Variants in MARK4 observed in about 807,000 individuals in gnomAD.
The protein encoded by MARK4 is microtubule affinity regulating kinase 4, also known as MAP/microtubule affinity-regulating kinase 4.
In MARK4, 19 loss-of-function variants were observed where a neutral mutation model predicts 81.5. The observed-to-expected ratio is 0.23, with a 90% CI of 0.16 to 0.34. MARK4 has a LOEUF of 0.34. Ranked by LOEUF, MARK4 falls within the 10% of genes least tolerant of loss-of-function variation. The pLI, the probability that MARK4 is intolerant of heterozygous loss-of-function variation, is 1.00. For synonymous variants in MARK4, 436 were observed against 439.0 expected, an observed-to-expected ratio of 0.99 and a Z score of 0.08; for missense variants, 772 against 1,058.8, an observed-to-expected ratio of 0.73 and a Z score of 3.76.
intron 15 of MARK4, 45 bp downstream of exon 15, chr19:45,297,999 G>C: frequency 1.3e-6 from 2 of 1,548,136 alleles, no homozygotes; most frequent in South Asian, 1.2e-5. Context: ...GCGGGGGGCC[G>C]ATGGGACCTA....
chr19:45,273,651 C>T (rs1036482854), intron 8 of MARK4, among the ~76,000 whole-genome samples: 1 of 152,196 alleles, frequency 6.6e-6, no homozygotes, highest in Non-Finnish European at 1.5e-5. Flanking sequence ...TAGTTCAGGC[C>T]AGTTAATTTT....
intron 13 of MARK4, 72 bp from the exon 14 acceptor site, chr19:45,294,277 A>G (rs1348309605): frequency 7.9e-5 from 113 of 1,424,394 alleles, no homozygotes; most frequent in Non-Finnish European, 1.1e-4. Flanking sequence ...GGGAGGGCAG[A>G]GAAGGGAAGA....
intron 9 of MARK4, among the ~76,000 whole-genome samples, 154 bp from the exon 10 acceptor site, chr19:45,278,362 C>T (rs1049638635): frequency 6.6e-6 from 1 of 151,908 alleles, no homozygotes; most frequent in Non-Finnish European, 1.5e-5. Flanking sequence ...CGGCAGGGGA[C>T]GTGGGGGAGA....
In MARK4 at chr19:45,280,570, C is replaced by T. The variant is rs375220894; in HGVS notation, c.1117-5C>T. On this transcript the variant is annotated splice_polypyrimidine_tract_variant and splice_region_variant and intron_variant, in intron 11 of 16. Transcript: ENST00000262891. ...AGAAGAGCCTCATCTGTCATCCTCT[C>T]GCAGGAGGGTGGGGACCGGGGCGCC... 22 of 1,613,616 alleles carry T rather than the reference C, an allele frequency of 1.4e-5. No homozygotes were observed. The highest frequency in any genetic ancestry group is 4.5e-5 in the East Asian group (2 of 44,864).
chr19:45,293,008 C>T (rs1466073740), intron 13 of MARK4, among the ~76,000 whole-genome samples: 2 of 152,178 alleles, frequency 1.3e-5, no homozygotes, highest in Non-Finnish European at 2.9e-5. Context: ...TGGCTCATGC[C>T]TGTAATCCCA....
Position 45,302,449 on chromosome 19 carries a change from C to T in MARK4, c.1998C>T (p.Ser666=), listed in dbSNP as rs778432374. The T allele has an allele frequency of 3.1e-6, 5 of 1,613,686 alleles. No homozygotes were observed. Among genetic ancestry groups the T allele is most frequent in the Non-Finnish European group, 4.2e-6 (5 of 1,179,942 alleles). The part of the protein sequence containing the change: ...LRFPWSVKLT[S]SRPPEALMAA... ...TCCCCTGGAGTGTGAAGCTGACCAG[C>T]TCGCGCCCTCCTGAGGCCCTGATGG... The change falls in exon 17 of 17, where the codon AGC becomes AGT. Residue 666 remains serine (S), a synonymous_variant. Transcript: ENST00000262891. The surrounding 1 kb of genome is among the most constrained non-coding windows in gnomAD (Gnocchi z 4.9).
At chr19:45,287,726 CT>C in intron 13 of MARK4, 62 bp downstream of exon 13, 1 of 1,530,980 alleles carries the variant, frequency 6.5e-7, no homozygotes, top group East Asian at 2.4e-5. Context: ...TCCTCAGGCC[CT>C]GCCTTCATCT....
intron 7 of MARK4, among the ~76,000 whole-genome samples, chr19:45,270,069 C>A (rs780146752): frequency 3.3e-5 from 5 of 152,176 alleles, no homozygotes; most frequent in Non-Finnish European, 7.3e-5. Context: ...CTCAGGAGAT[C>A]TGCCTGCCTT....
At chr19:45,284,019 C>CT (rs750215454) in intron 12 of MARK4, among the ~76,000 whole-genome samples, 18 of 151,642 alleles carry the variant, frequency 1.2e-4, no homozygotes, top group Admixed American at 3.3e-4. Flanking sequence ...TAGATTTCTT[C>CT]TTTTTTTTCT....
At chr19:45,280,320 A>G in intron 10 of MARK4, 54 bp from the exon 11 acceptor site, 1 of 1,482,696 alleles carries the variant, frequency 6.7e-7, no homozygotes, top group South Asian at 1.1e-5. Context: ...AGAGAAATGG[A>G]TGGAAGTTAA....
rs769171844 is a variant in MARK4, at chr19:45,259,030, G to A, written c.93G>A (p.Pro31=). 4.4e-5 allele frequency: 71 copies of A among 1,613,506 alleles called. No individual in the cohort carries two copies. The highest frequency in any genetic ancestry group is 1.7e-4 in the Middle Eastern group (1 of 5,888). Reference sequence around the variant, plus strand: ...GTGGCCGCTCCTCGGACAAAGGCCCGTCCTGGTCCAGCCGCTCACTGGGTG... The same window carrying A: ...GTGGCCGCTCCTCGGACAAAGGCCCATCCTGGTCCAGCCGCTCACTGGGTG... The part of the protein sequence containing the change: ...LGSGRSSDKG[P]SWSSRSLGAR... Residue 31 remains proline, a synonymous_variant, in exon 2 of 17, where the codon CCG becomes CCA. Coordinates refer to ENST00000262891, the MANE Select transcript of MARK4 (RefSeq NM_001199867.2).
chr19:45,277,815 G>A lies in MARK4; in HGVS notation c.787-108G>A, dbSNP rs911811595. On this transcript the variant is annotated intron_variant, in intron 8 of 16. Transcript: ENST00000262891. ...CTGTCACTTCTATCAAAGGGGTTGG[G>A]ACAAAGGTTGTGTGTGTGTGTGTGT... 2.8e-4 allele frequency: 372 copies of A among 1,333,208 alleles called. 1 individual carries two copies. The highest frequency in any genetic ancestry group is 3.6e-4 in the Non-Finnish European group (356 of 997,064). 82.6% of individuals were successfully genotyped at this position (1,333,208 alleles called of 1,614,324 possible). A position where few individuals can be genotyped will look rare whatever the true frequency, so the allele number is the denominator to read the frequency against.
At chr19:45,274,337 A>G (rs1233675578) in intron 8 of MARK4, among the ~76,000 whole-genome samples, 1 of 151,898 alleles carries the variant, frequency 6.6e-6, no homozygotes, top group Non-Finnish European at 1.5e-5. Context: ...TGCTCATTCA[A>G]GACAGCCTTC....
At chr19:45,277,743 A>G (rs1970617190) in intron 8 of MARK4, among the ~76,000 whole-genome samples, 180 bp from the exon 9 acceptor site, 1 of 151,722 alleles carries the variant, frequency 6.6e-6, no homozygotes, top group Non-Finnish European at 1.5e-5. Context: ...GTCAGGAGAA[A>G]GGAATGGGGT....
At position 45,263,142 on chromosome 19, in the gene MARK4, G is replaced by A; in HGVS notation, c.282G>A (p.Gln94=). ...CCATCAAGATTATCGACAAAACCCA[G>A]CTGAATCCCAGCAGCCTGCAGAAGG... ...EVAIKIIDKT[Q]LNPSSLQKLF... The change falls in exon 3 of 17, where the codon CAG becomes CAA. Residue 94 remains glutamine, a synonymous_variant. Coordinates refer to ENST00000262891, the MANE Select transcript of MARK4 (RefSeq NM_001199867.2). 1 of 1,608,772 alleles carries A rather than the reference G, an allele frequency of 6.2e-7. No individual in the cohort carries two copies. Among genetic ancestry groups the A allele is most frequent in the Non-Finnish European group, 8.5e-7 (1 of 1,177,410 alleles).
chr19:45,299,444 A>G (rs1310874335), intron 15 of MARK4, among the ~76,000 whole-genome samples: 1 of 152,134 alleles, frequency 6.6e-6, no homozygotes, highest in East Asian at 1.9e-4. Context: ...GGCCTCACGA[A>G]GGAGGTGTTG....
Position 45,251,394 on chromosome 19 carries a change from G to C in MARK4, c.-195G>C, listed in dbSNP as rs1442739639. The C allele has an allele frequency of 3.5e-5, 5 of 141,132 alleles. No homozygotes were observed. Among genetic ancestry groups the C allele is most frequent in the Admixed American group, 2.6e-4 (3 of 11,718 alleles). The allele number at this position is 141,132 out of a possible 1,614,324, so 8.7% of individuals were successfully genotyped here. On this transcript the variant is annotated 5_prime_UTR_variant, in exon 1 of 17. Coordinates refer to ENST00000262891, the MANE Select transcript of MARK4 (RefSeq NM_001199867.2). Reference sequence around the variant, plus strand: ...ATGGCGCCCGGGGTCCCCGCTGCACGGGGCCACTAGGACCCTCGGCGTCCC... The same window carrying C: ...ATGGCGCCCGGGGTCCCCGCTGCACCGGGCCACTAGGACCCTCGGCGTCCC...
chr19:45,266,964 C>T (rs1006399903), intron 7 of MARK4, among the ~76,000 whole-genome samples: 1 of 151,928 alleles, frequency 6.6e-6, no homozygotes. Context: ...GATCTCCTGA[C>T]CTTGTGATCC....
chr19:45,252,811 G>GCTC (rs1391707661), intron 1 of MARK4, among the ~76,000 whole-genome samples: 1 of 152,012 alleles, frequency 6.6e-6, no homozygotes, highest in Non-Finnish European at 1.5e-5. Context: ...CATCTGGGCT[G>GCTC]CTCCTTGCCC....
Sources: gnomAD v4.1 joint callset for allele counts (sites outside exome capture counted in the v4.1 genomes callset) on GRCh38, gnomAD v4.1.1 for gene constraint, Gnocchi (gnomAD v3.1) non-coding constraint, MANE v1.5 for transcripts, NCBI Gene and HGNC (gene_info 2026-07-23, HGNC 2026-07-21) for gene names.